The following PPAT variants were observed in gnomAD, a reference collection of about 807,000 sequenced individuals.
PPAT encodes phosphoribosyl pyrophosphate amidotransferase, also known as amidophosphoribosyltransferase.
PPAT carries 20 observed loss-of-function variants against 60.2 expected under a neutral mutation model. The observed-to-expected ratio is 0.33, with a 90% CI of 0.23 to 0.48. The LOEUF is 0.48. Among genes scored for constraint, PPAT ranks in the 20% least tolerant of loss-of-function variants. The probability of loss-of-function intolerance (pLI) is 0.99; values close to 1 mark genes in which losing one functional copy is unlikely to be tolerated. For synonymous variants in PPAT, 194 were observed against 215.1 expected (o/e 0.90, Z 0.86); for missense variants, 349 against 629.6 (o/e 0.55, Z 4.77).
chr4:56,403,225 T>A lies in PPAT; in HGVS notation c.516-40A>T, dbSNP rs767442318. The A allele has an allele frequency of 3.7e-6, 6 of 1,600,478 alleles. No individual in the cohort carries two copies. In the South Asian group the frequency reaches 6.6e-5, roughly 18 times the overall value. Reference sequence around the variant, plus strand: ...ATAATTGAATGAATAACTTCAGTTATAAACATATGCAAGGCAAAACTCTCC... The same window carrying A: ...ATAATTGAATGAATAACTTCAGTTAAAAACATATGCAAGGCAAAACTCTCC... On this transcript the variant is annotated intron_variant, in intron 4 of 10. Transcript: ENST00000264220.
intron 1 of PPAT, chr4:56,410,497 T>G (rs946683428): frequency 1.0e-6 from 1 of 985,544 alleles, no homozygotes; most frequent in Non-Finnish European, 1.2e-6. Flanking sequence ...TAGTGAATCA[T>G]TTCCAGGTCA....
chr4:56,395,880 G>A (rs539021955), intron 10 of PPAT, among the ~76,000 whole-genome samples: 13 of 152,196 alleles, frequency 8.5e-5, no homozygotes, highest in African/African-American at 3.1e-4. Context: ...TTAAGCTCAA[G>A]TTCACTCAGT....
intron 9 of PPAT, among the ~76,000 whole-genome samples, chr4:56,397,969 G>T (rs1020381767): frequency 3.3e-5 from 5 of 152,124 alleles, no homozygotes; most frequent in Admixed American, 1.3e-4. Flanking sequence ...TTGAGCCCAG[G>T]AGGTGGAGGT....
At chr4:56,402,075 GA>G in intron 6 of PPAT, 33 bp downstream of exon 6, 1 of 1,474,356 alleles carries the variant, frequency 6.8e-7, no homozygotes, top group African/African-American at 1.4e-5. Context: ...TTCAACATGG[GA>G]AAATAAAATA....
chr4:56,402,340 GATAAA>G (rs561670564), intron 5 of PPAT, among the ~76,000 whole-genome samples, 159 bp from the exon 6 acceptor site: 352 of 152,162 alleles, frequency 2.3e-3, no homozygotes, highest in Non-Finnish European at 4.0e-3. Flanking sequence ...TTGAGCCAAA[GATAAA>G]ATAAATGATC....
intron 1 of PPAT, chr4:56,421,151 C>A: frequency 6.6e-6 from 1 of 152,384 alleles, no homozygotes; most frequent in Non-Finnish European, 1.5e-5. Context: ...TAGATTAGAA[C>A]ACTGGAGCAC....
intron 3 of PPAT, chr4:56,404,103 G>A: frequency 7.8e-6 from 3 of 382,754 alleles, no homozygotes; most frequent in South Asian, 2.0e-5. Flanking sequence ...GACCATGGCT[G>A]GAGGCAATAG....
intron 1 of PPAT, among the ~76,000 whole-genome samples, chr4:56,430,642 T>C: frequency 6.6e-6 from 1 of 151,806 alleles, no homozygotes; most frequent in East Asian, 1.9e-4. Context: ...TTTTTCTATG[T>C]CTGGATATAA....
At position 56,409,738 on chromosome 4, in the gene PPAT, G is replaced by A. The variant is rs149249566; in HGVS notation, c.129-2022C>T. On this transcript the variant is annotated intron_variant, in intron 1 of 10. Coordinates refer to ENST00000264220, the MANE Select transcript of PPAT (RefSeq NM_002703.5). ...TTTATTGACCAATTTTTGTTCCAAA[G>A]AATATATATCAGGATAGAAACAAAA... 3.0e-3 allele frequency among the ~76,000 whole-genome samples: 461 copies of A among 152,256 alleles called. 1 individual carries two copies. Among genetic ancestry groups the A allele is most frequent in the Non-Finnish European group, 5.0e-3 (340 of 67,994 alleles).
At position 56,435,553 on chromosome 4, in the gene PPAT, C is replaced by G. The variant is rs554389201; in HGVS notation, c.-76G>C. On this transcript the variant is annotated 5_prime_UTR_variant, in exon 1 of 11. Transcript: ENST00000264220. ...GCACCAACCAGCTGCCAGCTCGGCCCGTCGAGCTCAGAAGCTCGCGCTCGC... is the reference window on the plus strand; with the variant it reads ...GCACCAACCAGCTGCCAGCTCGGCCGGTCGAGCTCAGAAGCTCGCGCTCGC... The G allele has an allele frequency of 4.1e-4, 652 of 1,605,084 alleles. 3 individuals are homozygous for G. Among genetic ancestry groups the G allele is most frequent in the South Asian group, 2.8e-3 (257 of 90,504 alleles).
At chr4:56,399,053 C>T in intron 9 of PPAT, 126 bp downstream of exon 9, 1 of 778,546 alleles carries the variant, frequency 1.3e-6, no homozygotes, top group Non-Finnish European at 2.0e-6. Flanking sequence ...ATTCCTAAAC[C>T]AAACTGATAA....
chr4:56,432,495 C>T (rs113116812), intron 1 of PPAT, among the ~76,000 whole-genome samples: 68 of 142,952 alleles, frequency 4.8e-4, no homozygotes, highest in African/African-American at 1.8e-3. Flanking sequence ...CACTCCACTC[C>T]AGCCTAGGTG....
At chr4:56,410,466 A>G (rs1716392362) in intron 1 of PPAT, 1 of 974,708 alleles carries the variant, frequency 1.0e-6, no homozygotes, top group Non-Finnish European at 1.2e-6. Flanking sequence ...GTTTCCTAGG[A>G]AACAAAACCT....
Position 56,415,407 on chromosome 4 carries a change from ATCC to A in PPAT, c.129-7694_129-7692del, listed in dbSNP as rs1716674667. On this transcript the variant is annotated intron_variant, in intron 1 of 10. Transcript: ENST00000264220. ...TGCATTCCTTTCTAAGATGTACTTCATCCTCCTCATTTGATCACTTTAAAAAGT... is the reference window on the plus strand; with the variant it reads ...TGCATTCCTTTCTAAGATGTACTTCATCCTCATTTGATCACTTTAAAAAGT... 2.6e-5 allele frequency among the ~76,000 whole-genome samples: 4 copies of A among 152,334 alleles called. No homozygotes were observed. In the South Asian group the frequency reaches 8.3e-4, roughly 32 times the overall value.
intron 1 of PPAT, chr4:56,420,446 A>G (rs1008886923): frequency 2.0e-5 from 3 of 152,238 alleles, no homozygotes; most frequent in African/African-American, 4.8e-5. Flanking sequence ...GTTCAGTACC[A>G]TAAGAGGAAT....
chr4:56,432,986 A>ACACG (rs1560652345), intron 1 of PPAT, among the ~76,000 whole-genome samples: 27 of 148,822 alleles, frequency 1.8e-4, no homozygotes, highest in African/African-American at 6.3e-4. Flanking sequence ...ATATACATAC[A>ACACG]CACACGTATT....
intron 1 of PPAT, among the ~76,000 whole-genome samples, chr4:56,408,618 G>C (rs1716311469): frequency 6.6e-6 from 1 of 151,252 alleles, no homozygotes. Flanking sequence ...GCCGGGCGTG[G>C]TGGCGGGCGC....
At position 56,396,038 on chromosome 4, in the gene PPAT, T is replaced by G. The variant is rs1244989129; in HGVS notation, c.1358-490A>C. The stretch of plus-strand genomic sequence containing the variant: ...ATGTATGACACCCATCAGGGTGATA[T>G]TTAAAAATATTTAACCAGTGAGGCA... On this transcript the variant is annotated intron_variant, in intron 10 of 10. Transcript: ENST00000264220. This position sits in a 1 kb window ranked among gnomAD's most constrained non-coding sequence, Gnocchi z 4.6. Among the ~76,000 whole-genome samples, 2 of 152,180 alleles carry G rather than the reference T, an allele frequency of 1.3e-5. No individual in the cohort carries two copies. The highest frequency in any genetic ancestry group is 4.8e-5 in the African/African-American group (2 of 41,436).
chr4:56,435,570 C>T lies in PPAT; in HGVS notation c.-93G>A. 6.9e-6 allele frequency: 11 copies of T among 1,592,628 alleles called. No homozygotes were observed. The highest frequency in any genetic ancestry group is 7.7e-6 in the Non-Finnish European group (9 of 1,167,624). ...GCTCGGCCCGTCGAGCTCAGAAGCT[C>T]GCGCTCGCGACAGGCTCTTCCTTCC... On this transcript the variant is annotated 5_prime_UTR_variant, in exon 1 of 11. Transcript: ENST00000264220.
Sources: gnomAD v4.1 joint callset for allele counts (sites outside exome capture counted in the v4.1 genomes callset) on GRCh38, gnomAD v4.1.1 for gene constraint, Gnocchi (gnomAD v3.1) non-coding constraint, MANE v1.5 for transcripts, NCBI Gene and HGNC (gene_info 2026-07-23, HGNC 2026-07-21) for gene names.